PRPSAP1: variants seen among roughly 807,000 people sequenced by gnomAD.
PRPSAP1 encodes the protein phosphoribosyl pyrophosphate synthetase associated protein 1.
PRPSAP1 carries 31 observed loss-of-function variants against 39.4 expected under a neutral mutation model. The observed-to-expected ratio is 0.79, with a 90% CI of 0.59 to 1.06. The LOEUF is 1.06. Among genes scored for constraint, PRPSAP1 ranks in the 50% least tolerant of loss-of-function variants. The pLI is 0.00. For synonymous variants in PRPSAP1, 212 were observed against 192.6 expected (o/e 1.10, Z -0.83); for missense variants, 430 against 511.6 (o/e 0.84, Z 1.54).
In PRPSAP1 at chr17:76,348,520, T is replaced by G; in HGVS notation, c.223+9A>C. ...ATAATTTTAAAAAAAAGAAATAATT[T>G]TAACTTACCTCCATTGGTCTCTTGA... On this transcript the variant is annotated intron_variant, in intron 2 of 9. Transcript: ENST00000446526. 1.4e-6 allele frequency: 2 copies of G among 1,427,182 alleles called. No individual in the cohort carries two copies. The highest frequency in any genetic ancestry group is 1.8e-6 in the Non-Finnish European group (2 of 1,088,816). 88.4% of individuals were successfully genotyped at this position (1,427,182 alleles called of 1,614,324 possible). A position where few individuals can be genotyped will look rare whatever the true frequency, so the allele number is the denominator to read the frequency against.
At chr17:76,345,261 C>T (rs892752451) in intron 2 of PRPSAP1, among the ~76,000 whole-genome samples, 2 of 47,446 alleles carry the variant, frequency 4.2e-5, no homozygotes, top group African/African-American at 5.5e-5. Context: ...AAAAAGAGTT[C>T]TTCGAGACCA....
In PRPSAP1 at chr17:76,320,323, A is replaced by G. The variant is rs117881910; in HGVS notation, c.782-6432T>C. Among the ~76,000 whole-genome samples, 126 of 24,644 alleles carry G rather than the reference A, an allele frequency of 5.1e-3. 2 individuals carry two copies. The highest frequency in any genetic ancestry group is 0.012 in the African/African-American group (50 of 4,296). 16.2% of individuals were successfully genotyped at this position (24,644 alleles called of 152,430 possible). A position where few individuals can be genotyped will look rare whatever the true frequency, so the allele number is the denominator to read the frequency against. On this transcript the variant is annotated intron_variant, in intron 7 of 9. Coordinates refer to ENST00000446526, the MANE Select transcript of PRPSAP1 (RefSeq NM_002766.3). ...GAAAAGAAAGGAAGGGAGGAAGGGA[A>G]GAAGGGAGGGAGGGAGGGAGGAAGG...
chr17:76,345,978 C>A (rs1275700495), intron 2 of PRPSAP1: 6 of 472,558 alleles, frequency 1.3e-5, no homozygotes, highest in Non-Finnish European at 2.5e-5. Flanking sequence ...AAGGCCACTG[C>A]AAAGAAGGGA....
At chr17:76,311,842 A>C in intron 9 of PRPSAP1, 142 bp from the exon 10 acceptor site, 1 of 976,174 alleles carries the variant, frequency 1.0e-6, no homozygotes, top group Non-Finnish European at 1.4e-6. Context: ...TATAGTTTTT[A>C]TAAACCAAAA....
chr17:76,343,696 A>T (rs1487576978), intron 3 of PRPSAP1, among the ~76,000 whole-genome samples: 1 of 152,020 alleles, frequency 6.6e-6, no homozygotes, highest in Non-Finnish European at 1.5e-5. Context: ...TTAACTGGGC[A>T]TGGTGGTGGG....
intron 7 of PRPSAP1, among the ~76,000 whole-genome samples, chr17:76,327,817 G>A (rs1056055427): frequency 2.0e-5 from 3 of 152,136 alleles, no homozygotes; most frequent in Non-Finnish European, 2.9e-5. Context: ...TCTGAATGCT[G>A]AGTGCTACGC....
intron 3 of PRPSAP1, among the ~76,000 whole-genome samples, chr17:76,343,790 G>C (rs192704549): frequency 1.1e-3 from 162 of 152,084 alleles, no homozygotes; most frequent in African/African-American, 3.8e-3. Context: ...AGCCAAGACT[G>C]TGCCACTGCA....
chr17:76,352,495 A>T (rs554891717), intron 1 of PRPSAP1, among the ~76,000 whole-genome samples: 1 of 152,072 alleles, frequency 6.6e-6, no homozygotes, highest in East Asian at 1.9e-4. Context: ...AATACAAAAA[A>T]TGAGCCGGGT....
intron 6 of PRPSAP1, among the ~76,000 whole-genome samples, chr17:76,329,655 G>C (rs562174621): frequency 6.6e-6 from 1 of 151,640 alleles, no homozygotes; most frequent in East Asian, 1.9e-4. Context: ...AGAGCTGCTT[G>C]AACCCAGGAG....
At chr17:76,353,998 C>A, upstream of PRPSAP1, 1 of 1,239,862 alleles carries the variant, frequency 8.1e-7, no homozygotes, top group Non-Finnish European at 1.0e-6. Flanking sequence ...GGCAGGGAGC[C>A]TGGCGACTCT....
At position 76,348,621 on chromosome 17, in the gene PRPSAP1, C is replaced by T. The variant is rs1425771152; in HGVS notation, c.171-40G>A. 3 of 1,482,256 alleles carry T rather than the reference C, an allele frequency of 2.0e-6. No homozygotes were observed. In the East Asian group the frequency reaches 7.7e-5, roughly 38 times the overall value. The allele number at this position is 1,482,256 out of a possible 1,614,324, so 91.8% of individuals were successfully genotyped here. On this transcript the variant is annotated intron_variant, in intron 1 of 9. Transcript: ENST00000446526. ...GAACAAAAAAGGGAAATTAAGATTA[C>T]TCTTTTTAAAAAAATTCCAGTTCAT...
In PRPSAP1 at chr17:76,311,473, T is replaced by C; in HGVS notation, c.*69A>G. The C allele has an allele frequency of 6.6e-7, 1 of 1,520,528 alleles. No homozygotes were observed. The highest frequency in any genetic ancestry group is 8.9e-7 in the Non-Finnish European group (1 of 1,125,390). 94.2% of individuals were successfully genotyped at this position (1,520,528 alleles called of 1,614,324 possible). ...CGAGTCCTCCCTTGCAAGGAAACAC[T>C]GTATCACTCATGGCACTGCTTTTTC... On this transcript the variant is annotated 3_prime_UTR_variant, in exon 10 of 10. Coordinates refer to ENST00000446526, the MANE Select transcript of PRPSAP1 (RefSeq NM_002766.3).
At chr17:76,315,712 T>C (rs1218364966) in intron 7 of PRPSAP1, among the ~76,000 whole-genome samples, 1 of 131,958 alleles carries the variant, frequency 7.6e-6, no homozygotes, top group Non-Finnish European at 1.6e-5. Context: ...TTTTTTTTTT[T>C]TTTTTTTTTT....
At chr17:76,317,783 C>T (rs1307878754) in intron 7 of PRPSAP1, among the ~76,000 whole-genome samples, 1 of 152,120 alleles carries the variant, frequency 6.6e-6, no homozygotes, top group Non-Finnish European at 1.5e-5. Flanking sequence ...TTACTTTTCA[C>T]CCCTGTGGCA....
chr17:76,318,985 G>A (rs1268499446), intron 7 of PRPSAP1, among the ~76,000 whole-genome samples: 1 of 151,846 alleles, frequency 6.6e-6, no homozygotes, highest in Non-Finnish European at 1.5e-5. Context: ...TGTTGCTCAG[G>A]CTGGAGTGCA....
chr17:76,336,627 G>T (rs1156526831), intron 3 of PRPSAP1, among the ~76,000 whole-genome samples: 2 of 149,692 alleles, frequency 1.3e-5, no homozygotes, highest in Non-Finnish European at 3.0e-5. Flanking sequence ...AGTTACTCAG[G>T]AGGCTGAGGC....
At chr17:76,333,162 C>T (rs1414388905) in intron 3 of PRPSAP1, among the ~76,000 whole-genome samples, 1 of 151,862 alleles carries the variant, frequency 6.6e-6, no homozygotes, top group East Asian at 2.0e-4. Context: ...CCAGGCTGGA[C>T]TGCAGTGGTG....
At chr17:76,353,471 T>A in intron 1 of PRPSAP1, 63 bp downstream of exon 1, 1 of 1,413,528 alleles carries the variant, frequency 7.1e-7, no homozygotes, top group Non-Finnish European at 9.2e-7. Flanking sequence ...AGCGGGTCCC[T>A]CCGGGCGCGA....
rs1269088888 is a variant in PRPSAP1 at position 76,335,377 on chromosome 17, T to C, written c.291-2942A>G. 2.6e-5 allele frequency among the ~76,000 whole-genome samples: 4 copies of C among 152,188 alleles called. No individual in the cohort carries two copies. The East Asian group carries it at 7.7e-4, about 29-fold the overall frequency. On this transcript the variant is annotated intron_variant, in intron 3 of 9. Transcript: ENST00000446526. ...TTTGTTTTTTGTTTTGTTTTGGAGA[T>C]GGAAATTCGTTTTTGTCACCCAGGC... is the stretch of plus-strand genomic sequence containing the variant.
Sources: allele counts gnomAD v4.1 joint callset (sites outside exome capture counted in the v4.1 genomes callset), GRCh38; gene constraint gnomAD v4.1.1; transcripts MANE v1.5; gene names NCBI Gene and HGNC (gene_info 2026-07-23, HGNC 2026-07-21).